The following AGBL4 variants were observed in gnomAD, a reference collection of about 807,000 sequenced individuals.
AGBL4 encodes the protein AGBL carboxypeptidase 4.
Under a neutral mutation model 66.4 loss-of-function variants are expected in AGBL4, and 58 were observed. The observed-to-expected ratio is 0.87, with a 90% CI of 0.71 to 1.09. The LOEUF is 1.09. AGBL4 is among the 50% of genes least tolerant of loss of function. The pLI is 0.00. For synonymous variants in AGBL4, 234 were observed against 222.9 expected (o/e 1.05, Z -0.44); for missense variants, 579 against 631.0 (o/e 0.92, Z 0.88).
At chr1:49,283,298 G>A (rs903651832) in intron 3 of AGBL4, among the ~76,000 whole-genome samples, 22 of 152,150 alleles carry the variant, frequency 1.4e-4, no homozygotes, top group Admixed American at 1.2e-3. Flanking sequence ...CAACAGACTC[G>A]CAGCTGAGGG....
At chr1:49,826,222 G>GT (rs1257261688) in intron 2 of AGBL4, among the ~76,000 whole-genome samples, 2 of 151,982 alleles carry the variant, frequency 1.3e-5, no homozygotes, top group Non-Finnish European at 2.9e-5. Flanking sequence ...GCACAGGGAA[G>GT]TTTTTTAAAA....
Position 49,194,565 on chromosome 1 carries a change from T to C in AGBL4, c.377+51205A>G, listed in dbSNP as rs1647188501. On this transcript the variant is annotated intron_variant, in intron 4 of 13. Coordinates refer to ENST00000371839, the MANE Select transcript of AGBL4 (RefSeq NM_032785.4). ...TTGTTCCTGTAATATTGTTAATTGTTATCTAATATTTTGTAGATTCTGTTT... is the reference window on the plus strand; with the variant it reads ...TTGTTCCTGTAATATTGTTAATTGTCATCTAATATTTTGTAGATTCTGTTT... Among the ~76,000 whole-genome samples the C allele has an allele frequency of 4.6e-5, 7 of 152,340 alleles. No individual in the cohort carries two copies. In the South Asian group the frequency reaches 1.4e-3, roughly 32 times the overall value.
At chr1:49,068,305 T>C (rs111614258) in intron 4 of AGBL4, among the ~76,000 whole-genome samples, 4 of 151,856 alleles carry the variant, frequency 2.6e-5, no homozygotes, top group Admixed American at 6.6e-5. Flanking sequence ...TAGGTATACA[T>C]GTGCCATGTT....
intron 5 of AGBL4, among the ~76,000 whole-genome samples, chr1:48,930,732 T>C (rs910900535): frequency 6.6e-6 from 1 of 152,202 alleles, no homozygotes; most frequent in Non-Finnish European, 1.5e-5. Flanking sequence ...CATAAATATT[T>C]TGTCACTACC....
intron 2 of AGBL4, among the ~76,000 whole-genome samples, chr1:49,769,651 A>T (rs1392501652): frequency 6.6e-6 from 1 of 152,158 alleles, no homozygotes; most frequent in Non-Finnish European, 1.5e-5. Flanking sequence ...AGAACCCAGA[A>T]ATAAAGCTGC....
At chr1:48,603,997 T>C (rs1645115288) in intron 9 of AGBL4, among the ~76,000 whole-genome samples, 1 of 151,912 alleles carries the variant, frequency 6.6e-6, no homozygotes, top group Non-Finnish European at 1.5e-5. Flanking sequence ...TAGCTGGGCA[T>C]GGTGGCACGC....
At chr1:48,978,751 G>A (rs1215288460) in intron 5 of AGBL4, among the ~76,000 whole-genome samples, 1 of 152,070 alleles carries the variant, frequency 6.6e-6, no homozygotes, top group African/African-American at 2.4e-5. Context: ...TTCCCTGAAT[G>A]AACCTGACTG....
At chr1:49,160,571 G>A (rs1197914914) in intron 4 of AGBL4, among the ~76,000 whole-genome samples, 2 of 152,126 alleles carry the variant, frequency 1.3e-5, no homozygotes, top group South Asian at 2.1e-4. Context: ...AGCAGAGTTC[G>A]AACACTGTGC....
At chr1:48,866,730 A>G (rs1285687174) in intron 6 of AGBL4, among the ~76,000 whole-genome samples, 1 of 152,126 alleles carries the variant, frequency 6.6e-6, no homozygotes, top group Non-Finnish European at 1.5e-5. Flanking sequence ...AAAGTGAGAG[A>G]CAAAAGTTAT....
At chr1:49,348,427 A>T (rs919224368) in intron 3 of AGBL4, among the ~76,000 whole-genome samples, 6 of 152,172 alleles carry the variant, frequency 3.9e-5, no homozygotes, top group Admixed American at 6.5e-5. Context: ...TCTCAAAAAA[A>T]AAAATAAAAA....
intron 2 of AGBL4, among the ~76,000 whole-genome samples, chr1:49,840,425 A>AT (rs1397708496): frequency 6.6e-6 from 1 of 152,104 alleles, no homozygotes; most frequent in Non-Finnish European, 1.5e-5. Context: ...CCATGGTTTC[A>AT]TTGATGGTTT....
chr1:49,286,464 C>G (rs1271582867), intron 3 of AGBL4, among the ~76,000 whole-genome samples: 2 of 152,156 alleles, frequency 1.3e-5, no homozygotes, highest in Non-Finnish European at 2.9e-5. Flanking sequence ...TAGAAAACCC[C>G]ATTGGCTCAG....
At chr1:49,868,310 A>G in intron 1 of AGBL4, among the ~76,000 whole-genome samples, 1 of 152,180 alleles carries the variant, frequency 6.6e-6, no homozygotes, top group Non-Finnish European at 1.5e-5. Context: ...AAAAGGGCCC[A>G]TATAGCCAAG....
At chr1:49,562,496 G>A (rs547994853) in intron 3 of AGBL4, among the ~76,000 whole-genome samples, 1 of 152,230 alleles carries the variant, frequency 6.6e-6, no homozygotes, top group South Asian at 2.1e-4. Flanking sequence ...TAAGGTGTAA[G>A]GAAGGGATCC....
intron 4 of AGBL4, among the ~76,000 whole-genome samples, chr1:49,200,594 C>G (rs528898525): frequency 6.6e-6 from 1 of 152,306 alleles, no homozygotes; most frequent in South Asian, 2.1e-4. Flanking sequence ...TATAAACCCT[C>G]TTTGAGTTCA....
rs200215277 is a variant in AGBL4, at chr1:49,559,325, G to GCAGTA, written c.282+137983_282+137987dup. Among the ~76,000 whole-genome samples the GCAGTA allele has an allele frequency of 2.0e-3, 308 of 152,220 alleles. 1 individual carries two copies. The highest frequency in any genetic ancestry group is 7.2e-3 in the African/African-American group (298 of 41,560). ...ATGGATCTTGTACAAGACTATCAAGGCAGTACCCTCTATGAGTCTGCAAGA... is the reference window on the plus strand; with the variant it reads ...ATGGATCTTGTACAAGACTATCAAGGCAGTACAGTACCCTCTATGAGTCTGCAAGA... On this transcript the variant is annotated intron_variant, in intron 3 of 13. Coordinates refer to ENST00000371839, the MANE Select transcript of AGBL4 (RefSeq NM_032785.4).
chr1:49,256,196 A>C (rs549439218), intron 3 of AGBL4, among the ~76,000 whole-genome samples: 2 of 151,940 alleles, frequency 1.3e-5, no homozygotes, highest in East Asian at 3.9e-4. Flanking sequence ...TTTTTAAAAA[A>C]GATAAATGTT....
intron 2 of AGBL4, among the ~76,000 whole-genome samples, chr1:49,836,762 G>GTGTGGA (rs1645860949): frequency 6.6e-6 from 1 of 152,182 alleles, no homozygotes; most frequent in East Asian, 1.9e-4. Context: ...TGGGGTTGTT[G>GTGTGGA]TGTGGATGTC....
intron 4 of AGBL4, among the ~76,000 whole-genome samples, chr1:49,152,584 A>G (rs1569850104): frequency 6.6e-6 from 1 of 152,334 alleles, no homozygotes; most frequent in East Asian, 1.9e-4. Flanking sequence ...CTTCCCATAC[A>G]TTTCTGGGGC....
Sources: gnomAD v4.1 joint callset for allele counts (sites outside exome capture counted in the v4.1 genomes callset) on GRCh38, gnomAD v4.1.1 for gene constraint, MANE v1.5 for transcripts, NCBI Gene and HGNC (gene_info 2026-07-23, HGNC 2026-07-21) for gene names.